ADGRL2: variants seen among roughly 807,000 people sequenced by gnomAD.
ADGRL2 encodes calcium-independent alpha-latrotoxin receptor 2.
A neutral mutation model predicts 157.4 loss-of-function variants in ADGRL2; 44 were observed. That is an observed-to-expected ratio of 0.28 (90% CI 0.22 to 0.36). The LOEUF (loss-of-function observed/expected upper bound fraction) is 0.36, where lower values mean the gene tolerates loss of function less well. Among genes scored for constraint, ADGRL2 ranks in the 10% least tolerant of loss-of-function variants. ADGRL2 has a pLI of 1.00. For synonymous variants in ADGRL2, 585 were observed against 624.7 expected (o/e 0.94, Z 0.95); for missense variants, 1,510 against 1,768.9 (o/e 0.85, Z 2.63).
At chr1:81,715,485 A>G (rs1040979189) in intron 1 of ADGRL2, among the ~76,000 whole-genome samples, 7 of 152,116 alleles carry the variant, frequency 4.6e-5, no homozygotes, top group African/African-American at 1.7e-4. Context: ...CTTGTGCTTA[A>G]AGTTGCCTTT....
At chr1:81,987,785 T>G (rs1420454079) in intron 22 of ADGRL2, 84 bp from the exon 23 acceptor site, 1 of 265,978 alleles carries the variant, frequency 3.8e-6, no homozygotes, top group African/African-American at 2.3e-5. Flanking sequence ...TTTCCATTTT[T>G]TTCTTAAAAT....
At chr1:81,556,312 ATTTTT>A (rs145670261) in intron 2 of ADGRL2, among the ~76,000 whole-genome samples, 1 of 87,120 alleles carries the variant, frequency 1.1e-5, no homozygotes, top group Non-Finnish European at 2.0e-5. Context: ...GGCTGTCACA[ATTTTT>A]TTTTTTTTTT....
chr1:81,316,062 T>G (rs1660084711), intron 1 of ADGRL2, among the ~76,000 whole-genome samples: 1 of 151,860 alleles, frequency 6.6e-6, no homozygotes, highest in African/African-American at 2.4e-5. Flanking sequence ...CTTCCTTTCT[T>G]CCCTTAGCTG....
intron 1 of ADGRL2, among the ~76,000 whole-genome samples, chr1:81,743,020 A>AT (rs529057698): frequency 4.7e-5 from 7 of 150,108 alleles, no homozygotes; most frequent in South Asian, 2.1e-4. Flanking sequence ...GGCTTAGAGA[A>AT]TTTTTTTTTT....
intron 1 of ADGRL2, chr1:81,445,009 T>A (rs1051648392): frequency 1.3e-5 from 2 of 152,214 alleles, no homozygotes; most frequent in Non-Finnish European, 2.9e-5. Context: ...GATTTGTTTG[T>A]CTCCCTTCTA....
intron 2 of ADGRL2, among the ~76,000 whole-genome samples, chr1:81,487,087 T>G (rs1438101014): frequency 4.9e-5 from 2 of 40,896 alleles, no homozygotes; most frequent in Admixed American, 3.8e-4. Context: ...AGACCTCATC[T>G]CTACAAAAAA....
At chr1:81,903,719 ATATATATATACAT>A (rs2094529904) in intron 2 of ADGRL2, among the ~76,000 whole-genome samples, 1 of 144,170 alleles carries the variant, frequency 6.9e-6, no homozygotes, top group African/African-American at 2.5e-5. Context: ...TATTCATTAT[ATATATATATACAT>A]TATATATACA....
At chr1:81,450,795 T>C (rs899866416) in intron 2 of ADGRL2, among the ~76,000 whole-genome samples, 1 of 152,068 alleles carries the variant, frequency 6.6e-6, no homozygotes, top group Admixed American at 6.6e-5. Context: ...GCAAAAGCAT[T>C]ATATGTGCTT....
chr1:81,936,239 T>A (rs2095308743), intron 3 of ADGRL2, among the ~76,000 whole-genome samples: 1 of 152,076 alleles, frequency 6.6e-6, no homozygotes, highest in Admixed American at 6.6e-5. Flanking sequence ...GAGGATAAAA[T>A]TAAAATCCTG....
At position 81,543,722 on chromosome 1, in the gene ADGRL2, A is replaced by G. The variant is rs549592361; in HGVS notation, c.-247-37154A>G. Among the ~76,000 whole-genome samples the G allele has an allele frequency of 5.3e-5, 8 of 152,220 alleles. No individual in the cohort carries two copies. The South Asian group carries it at 1.5e-3, about 28-fold the overall frequency. ...AGGCAGTCAACAACACCCCTTAAAA[A>G]TCTGCAAAGAACCCTACGATAGTTT... On this transcript the variant is annotated intron_variant, in intron 2 of 24. Transcript: ENST00000370721.
chr1:81,390,145 T>G (rs2076507967), intron 1 of ADGRL2, among the ~76,000 whole-genome samples: 1 of 152,292 alleles, frequency 6.6e-6, no homozygotes, highest in South Asian at 2.1e-4. Flanking sequence ...ACTTCATTCT[T>G]AAGGCAACCA....
intron 2 of ADGRL2, among the ~76,000 whole-genome samples, chr1:81,883,501 A>T (rs1260873986): frequency 6.6e-6 from 1 of 152,118 alleles, no homozygotes; most frequent in Non-Finnish European, 1.5e-5. Context: ...ATTCTAAGAG[A>T]GTATAAGCGA....
chr1:81,382,563 A>C (rs7554418), intron 1 of ADGRL2, among the ~76,000 whole-genome samples: 152,143 of 152,144 alleles, frequency 1, 76,071 homozygotes, highest in Non-Finnish European at 1. Flanking sequence ...TAATTTATGA[A>C]TAAGAGAAAG....
At chr1:81,540,244 T>A (rs2079849617) in intron 2 of ADGRL2, among the ~76,000 whole-genome samples, 1 of 152,214 alleles carries the variant, frequency 6.6e-6, no homozygotes, top group Non-Finnish European at 1.5e-5. Context: ...TGTAGGTGAT[T>A]GATTTTTCAG....
chr1:81,338,319 C>T (rs747040479), intron 1 of ADGRL2, among the ~76,000 whole-genome samples: 4 of 152,024 alleles, frequency 2.6e-5, no homozygotes, highest in South Asian at 2.1e-4. Flanking sequence ...GCCAAGATGG[C>T]GCCACTGCAC....
chr1:81,871,777 G>C (rs4294459), intron 2 of ADGRL2, among the ~76,000 whole-genome samples: 69,569 of 151,770 alleles, frequency 0.46, 16,430 homozygotes, highest in East Asian at 0.86. Flanking sequence ...CTTTTTGATG[G>C]GGTTGTTTGA....
intron 1 of ADGRL2, chr1:81,721,604 A>T (rs2149127191): frequency 3.5e-6 from 2 of 567,264 alleles, no homozygotes; most frequent in South Asian, 2.0e-5. Flanking sequence ...AAAAAAATAC[A>T]AAAATTGCTT....
intron 1 of ADGRL2, chr1:81,427,635 C>T (rs897655486): frequency 6.5e-6 from 4 of 615,270 alleles, no homozygotes; most frequent in African/African-American, 3.6e-5. Flanking sequence ...AGGGCTGCAG[C>T]TCTTAGCAGG....
chr1:81,986,884 T>G lies in ADGRL2; in HGVS notation c.3509-17T>G, dbSNP rs550767849. 247 of 1,586,436 alleles carry G rather than the reference T, an allele frequency of 1.6e-4. 2 individuals are homozygous for G. The Middle Eastern group carries it at 2.7e-3, about 17-fold the overall frequency. On this transcript the variant is annotated splice_polypyrimidine_tract_variant and intron_variant, in intron 21 of 23. Coordinates refer to ENST00000686636, the MANE Select transcript of ADGRL2 (RefSeq NM_001366006.2). ...TACTTTTCTCTGTTTTTTTGTTGTT[T>G]TTTTTTTTTACTTTAGGAATGACTG...
Sources: gnomAD v4.1 joint callset for allele counts (sites outside exome capture counted in the v4.1 genomes callset) on GRCh38, gnomAD v4.1.1 for gene constraint, MANE v1.5 for transcripts, NCBI Gene and HGNC (gene_info 2026-07-23, HGNC 2026-07-21) for gene names.